The following MYB variants were observed in gnomAD, a reference collection of about 807,000 sequenced individuals.
The protein encoded by MYB is transcriptional activator Myb.
A neutral mutation model predicts 92.9 loss-of-function variants in MYB; 28 were observed. The observed-to-expected ratio is 0.30, with a 90% CI of 0.22 to 0.41. MYB has a LOEUF of 0.41. Among genes scored for constraint, MYB ranks in the 10% least tolerant of loss-of-function variants. MYB has a pLI of 1.00. For missense variants in MYB, 679 were observed against 929.3 expected, an observed-to-expected ratio of 0.73 and a Z score of 3.50; for synonymous variants, 295 against 329.1, an observed-to-expected ratio of 0.90 and a Z score of 1.12.
chr6:135,208,828 T>C (rs1298284622), intron 15 of MYB, among the ~76,000 whole-genome samples: 1 of 152,222 alleles, frequency 6.6e-6, no homozygotes, highest in Admixed American at 6.5e-5. Context: ...CATTCTCAGG[T>C]ATATTTAAAT....
At chr6:135,211,794 C>T (rs1188836951) in intron 15 of MYB, among the ~76,000 whole-genome samples, 1 of 152,184 alleles carries the variant, frequency 6.6e-6, no homozygotes, top group Non-Finnish European at 1.5e-5. Context: ...AACTTCCAAT[C>T]ACCATCTCGA....
intron 8 of MYB, 175 bp downstream of exon 8, chr6:135,194,635 T>A: frequency 1.8e-6 from 1 of 571,108 alleles, no homozygotes; most frequent in Non-Finnish European, 3.0e-6. Context: ...ATATGCTGAT[T>A]AAATTGGAAG....
Position 135,195,954 on chromosome 6 carries a change from T to C in MYB, c.1155T>C (p.Asn385=), listed in dbSNP as rs776777287. Residue 385 remains asparagine (N), a synonymous_variant, in exon 9 of 16, where the codon AAT becomes AAC. Transcript: ENST00000341911. ...MIVHQGTILD[N]VKNLLEFAET... ...TCCACCAGGGCACCATTCTGGATAA[T>C]GTTAAGAACCTCTTAGAATTTGCAG... 2 of 1,614,078 alleles carry C rather than the reference T, an allele frequency of 1.2e-6. No homozygotes were observed. The highest frequency in any genetic ancestry group is 2.7e-5 in the African/African-American group (2 of 74,942).
intron 13 of MYB, 156 bp downstream of exon 13, chr6:135,200,571 G>A (rs1442956916): frequency 2.8e-6 from 3 of 1,055,938 alleles, no homozygotes; most frequent in East Asian, 2.6e-5. Context: ...CTGCCAGACT[G>A]TAGGCATCAT....
Position 135,195,786 on chromosome 6 carries a change from C to A in MYB, c.987C>A (p.Ser329Arg). ...CATGCAGCTACCCCGGGTGGCACAG[C>A]ACCACCATTGCCGACCACACCAGAC... ...NHTCSYPGWH[S>R]TTIADHTRPH... Residue 329 changes from serine (S) to arginine (R), a missense_variant, in exon 9 of 16, where the codon AGC (serine) becomes AGA (arginine). Around this residue, in one of 8 missense-constraint regions of MYB, gnomAD observed 56 missense variants for 55.8 expected, o/e 1.00. Coordinates refer to ENST00000341911, the MANE Select transcript of MYB (RefSeq NM_001130173.2). The A allele has an allele frequency of 6.2e-7, 1 of 1,614,174 alleles. No individual in the cohort carries two copies. The highest frequency in any genetic ancestry group is 8.5e-7 in the Non-Finnish European group (1 of 1,180,012).
chr6:135,183,722 C>T (rs1775500384), intron 1 of MYB, among the ~76,000 whole-genome samples: 1 of 152,250 alleles, frequency 6.6e-6, no homozygotes, highest in Non-Finnish European at 1.5e-5. Flanking sequence ...CGCCCTGCTG[C>T]GTCCTGGCCC....
intron 15 of MYB, among the ~76,000 whole-genome samples, chr6:135,208,670 C>A (rs570819795): frequency 6.6e-6 from 1 of 151,980 alleles, no homozygotes; most frequent in South Asian, 2.1e-4. Context: ...CAGGAGCCAC[C>A]CTGCCCAGCC....
At chr6:135,199,391 T>C (rs1293728765) in intron 11 of MYB, 3 of 258,178 alleles carry the variant, frequency 1.2e-5, no homozygotes, top group South Asian at 9.9e-5. Flanking sequence ...TCCTCTCTAA[T>C]TGTAAGCTTC....
intron 15 of MYB, among the ~76,000 whole-genome samples, chr6:135,210,055 C>T (rs1779502080): frequency 6.6e-6 from 1 of 152,234 alleles, no homozygotes; most frequent in Non-Finnish European, 1.5e-5. Context: ...AGACGCATAG[C>T]TCCCTCCTCA....
intron 15 of MYB, among the ~76,000 whole-genome samples, chr6:135,213,990 T>C (rs1780088067): frequency 6.6e-6 from 1 of 152,232 alleles, no homozygotes; most frequent in African/African-American, 2.4e-5. Flanking sequence ...GAAAATTAAT[T>C]CTGGCTGGTT....
intron 3 of MYB, 138 bp from the exon 4 acceptor site, chr6:135,189,653 A>C (rs906365571): frequency 1.2e-5 from 8 of 653,778 alleles, no homozygotes; most frequent in Non-Finnish European, 1.9e-5. Flanking sequence ...AATGAGGGAT[A>C]GATGGGCTCT....
intron 15 of MYB, among the ~76,000 whole-genome samples, chr6:135,206,489 A>G (rs1029782668): frequency 1.3e-5 from 2 of 151,874 alleles, no homozygotes; most frequent in African/African-American, 4.8e-5. Flanking sequence ...CAAGGTCAGG[A>G]GTTTGAGACC....
At position 135,200,154 on chromosome 6, in the gene MYB, T is replaced by G; in HGVS notation, c.1779T>G (p.His593Gln). 1.2e-6 allele frequency: 2 copies of G among 1,614,224 alleles called. No individual in the cohort carries two copies. Among genetic ancestry groups the G allele is most frequent in the Middle Eastern group, 1.6e-4 (1 of 6,062 alleles). ...CAAGAACTCCTACACCATTCAAACA[T>G]GCACTTGCAGCTCAAGAAATTAAAT... ...SSPRTPTPFK[H>Q]ALAAQEIKYG... is the part of the protein sequence containing the mutation. The change falls in exon 12 of 16, where the codon CAT becomes CAG. Residue 593 changes from histidine to glutamine, a missense_variant. Physicochemically the swap from His to Gln is conservative, Grantham distance 24 (BLOSUM62 0). Around this residue, in one of 8 missense-constraint regions of MYB, gnomAD observed 402 missense variants for 434.2 expected, o/e 0.93. Coordinates refer to ENST00000341911, the MANE Select transcript of MYB (RefSeq NM_001130173.2).
At chr6:135,196,735 G>A (rs568305345) in intron 9 of MYB, 28 of 1,505,252 alleles carry the variant, frequency 1.9e-5, no homozygotes, top group Middle Eastern at 1.7e-4. Context: ...GATGTAGAGT[G>A]TCGGGAGGTC....
At chr6:135,188,308 G>A (rs1370906021) in intron 3 of MYB, among the ~76,000 whole-genome samples, 1 of 151,908 alleles carries the variant, frequency 6.6e-6, no homozygotes, top group Non-Finnish European at 1.5e-5. Flanking sequence ...GACCTTTCTT[G>A]ACTTATCACA....
At chr6:135,191,016 A>G (rs1241881751) in intron 5 of MYB, among the ~76,000 whole-genome samples, 1 of 152,148 alleles carries the variant, frequency 6.6e-6, no homozygotes, top group Non-Finnish European at 1.5e-5. Context: ...CCAGGCTGGT[A>G]TCAAACTCCT....
chr6:135,204,256 C>T lies in MYB; in HGVS notation c.2169+932C>T, dbSNP rs79148570. Among the ~76,000 whole-genome samples the T allele has an allele frequency of 3.0e-3, 451 of 152,202 alleles. 3 individuals carry two copies. The highest frequency in any genetic ancestry group is 0.01 in the African/African-American group (430 of 41,518). On this transcript the variant is annotated intron_variant, in intron 15 of 15. Transcript: ENST00000341911. ...AAATTGTGAGAATCTGAAAACTTGC[C>T]CGGTAAGTATTTGTGATGCTTAGTT...
At chr6:135,208,745 C>T (rs2128314631) in intron 15 of MYB, among the ~76,000 whole-genome samples, 1 of 152,210 alleles carries the variant, frequency 6.6e-6, no homozygotes, top group South Asian at 2.1e-4. Flanking sequence ...CCAGATGTGT[C>T]TCTAAAAATA....
chr6:135,201,377 T>C (rs1481643709), intron 13 of MYB, among the ~76,000 whole-genome samples: 1 of 152,204 alleles, frequency 6.6e-6, no homozygotes, highest in Non-Finnish European at 1.5e-5. Flanking sequence ...ATATTCTTAA[T>C]AGAATAAACA....
Sources: allele counts gnomAD v4.1 joint callset (sites outside exome capture counted in the v4.1 genomes callset), GRCh38; gene constraint gnomAD v4.1.1; regional missense constraint gnomAD v4.1.1; transcripts MANE v1.5; gene names NCBI Gene and HGNC (gene_info 2026-07-23, HGNC 2026-07-21).